GALNT13: variants seen among roughly 807,000 people sequenced by gnomAD.
The protein encoded by GALNT13 is polypeptide N-acetylgalactosaminyltransferase 13, also known as UDP-GalNAc:polypeptide N-acetylgalactosaminyltransferase 13.
Under a neutral mutation model 64.2 loss-of-function variants are expected in GALNT13, and 28 were observed. The ratio of observed to expected loss-of-function variants is 0.44; its 90% CI spans 0.32 to 0.60. GALNT13 has a LOEUF of 0.60. GALNT13 is among the 20% of genes least tolerant of loss of function. GALNT13 has a pLI of 0.05. For synonymous variants in GALNT13, 214 were observed against 224.6 expected (o/e 0.95, Z 0.42); for missense variants, 577 against 669.8 (o/e 0.86, Z 1.53).
chr2:153,763,121 T>C, the GALNT13 span, among the ~76,000 whole-genome samples: 1 of 152,142 alleles, frequency 6.6e-6, no homozygotes, highest in Admixed American at 6.5e-5. Flanking sequence ...ATTGTTGTTT[T>C]GATGTATTTT....
chr2:154,154,234 T>G (rs1236275004), intron 4 of GALNT13, among the ~76,000 whole-genome samples: 2 of 152,212 alleles, frequency 1.3e-5, no homozygotes, highest in South Asian at 2.1e-4. Context: ...ATAAGAAAAT[T>G]TAATAAAGAA....
the GALNT13 span, among the ~76,000 whole-genome samples, chr2:153,224,952 G>C: frequency 9.2e-5 from 14 of 152,122 alleles, no homozygotes; most frequent in African/African-American, 3.4e-4. Context: ...TGAAGGCAGA[G>C]GAAATGCTTC....
chr2:153,805,502 C>T, the GALNT13 span, among the ~76,000 whole-genome samples: 1 of 151,826 alleles, frequency 6.6e-6, no homozygotes, highest in Non-Finnish European at 1.5e-5. Flanking sequence ...AATGATTAGG[C>T]AATGAAAATG....
intron 9 of GALNT13, among the ~76,000 whole-genome samples, chr2:154,391,866 A>C (rs1411579277): frequency 6.6e-6 from 1 of 152,172 alleles, no homozygotes; most frequent in Non-Finnish European, 1.5e-5. Context: ...CATGGAAAAA[A>C]ATTAAGCACG....
At chr2:154,372,612 T>C (rs959554193) in intron 9 of GALNT13, among the ~76,000 whole-genome samples, 2 of 152,166 alleles carry the variant, frequency 1.3e-5, no homozygotes, top group African/African-American at 4.8e-5. Context: ...AGGTGTCTTT[T>C]ATTAAGAAAT....
the GALNT13 span, among the ~76,000 whole-genome samples, chr2:153,670,493 G>A: frequency 6.6e-6 from 1 of 152,006 alleles, no homozygotes; most frequent in South Asian, 2.1e-4. Flanking sequence ...AAACAGAAAG[G>A]AATAGCATCA....
chr2:154,315,223 G>A (rs2105142934), intron 9 of GALNT13, among the ~76,000 whole-genome samples: 1 of 152,082 alleles, frequency 6.6e-6, no homozygotes, highest in African/African-American at 2.4e-5. Context: ...ACATTCCCTT[G>A]GTAGCCGTTC....
At chr2:154,244,752 C>T (rs1331872234) in intron 6 of GALNT13, among the ~76,000 whole-genome samples, 3 of 152,056 alleles carry the variant, frequency 2.0e-5, no homozygotes, top group Non-Finnish European at 4.4e-5. Flanking sequence ...AAAAGTGTAC[C>T]TAATGATTTT....
the GALNT13 span, among the ~76,000 whole-genome samples, chr2:153,428,525 C>T: frequency 1.3e-5 from 2 of 152,192 alleles, no homozygotes; most frequent in African/African-American, 4.8e-5. Context: ...CACATTTTAA[C>T]ATGAGATTTG....
chr2:154,373,154 T>C (rs1189372423), intron 9 of GALNT13, among the ~76,000 whole-genome samples: 1 of 152,170 alleles, frequency 6.6e-6, no homozygotes, highest in Non-Finnish European at 1.5e-5. Context: ...TCAGTTTTCA[T>C]ACATTTTATG....
chr2:153,712,230 A>G, the GALNT13 span, among the ~76,000 whole-genome samples: 1 of 152,156 alleles, frequency 6.6e-6, no homozygotes, highest in South Asian at 2.1e-4. Flanking sequence ...TGTTTATATT[A>G]TTTCAATGTG....
chr2:154,414,776 C>A (rs1282541072), intron 11 of GALNT13, among the ~76,000 whole-genome samples: 2 of 151,654 alleles, frequency 1.3e-5, no homozygotes, highest in South Asian at 2.1e-4. Context: ...ATTTTTCTGA[C>A]TTTTTGTTTA....
the GALNT13 span, among the ~76,000 whole-genome samples, chr2:153,451,912 T>C: frequency 2.0e-5 from 3 of 152,146 alleles, no homozygotes; most frequent in Non-Finnish European, 4.4e-5. Flanking sequence ...GAGGATTCAT[T>C]TACCTTCAAG....
the GALNT13 span, among the ~76,000 whole-genome samples, chr2:153,863,241 G>C: frequency 6.6e-6 from 1 of 152,116 alleles, no homozygotes; most frequent in East Asian, 1.9e-4. Context: ...AGCAAAATAA[G>C]GCTTATGATG....
chr2:153,452,723 T>A, the GALNT13 span, among the ~76,000 whole-genome samples: 2 of 152,052 alleles, frequency 1.3e-5, no homozygotes. Flanking sequence ...AGATTCAAGC[T>A]ATTCCTATTA....
chr2:153,332,329 C>T, the GALNT13 span, among the ~76,000 whole-genome samples: 1 of 152,190 alleles, frequency 6.6e-6, no homozygotes, highest in East Asian at 1.9e-4. Context: ...ACTTTCCTCT[C>T]AACACTGATT....
chr2:153,998,590 A>G (rs1224404757), intron 3 of GALNT13, among the ~76,000 whole-genome samples: 3 of 152,124 alleles, frequency 2.0e-5, no homozygotes, highest in Non-Finnish European at 4.4e-5. Flanking sequence ...CCCATTCTGT[A>G]GGTTGCCTGT....
chr2:153,285,103 A>G, the GALNT13 span, among the ~76,000 whole-genome samples: 1 of 151,980 alleles, frequency 6.6e-6, no homozygotes, highest in Non-Finnish European at 1.5e-5. Context: ...TAGGAAACTT[A>G]TAATTACGGC....
chr2:153,277,927 C>CTTTTTTTT, the GALNT13 span, among the ~76,000 whole-genome samples: 25 of 80,108 alleles, frequency 3.1e-4, 2 homozygotes, highest in African/African-American at 7.0e-4. Flanking sequence ...TCTTTTCTTT[C>CTTTTTTTT]TTTTTTTTTT....
Sources: allele counts gnomAD v4.1 joint callset (sites outside exome capture counted in the v4.1 genomes callset), GRCh38; gene constraint gnomAD v4.1.1; transcripts MANE v1.5; gene names NCBI Gene and HGNC (gene_info 2026-07-23, HGNC 2026-07-21).